The following DNAH6 variants were observed in gnomAD, a reference collection of about 807,000 sequenced individuals.
DNAH6 encodes the protein axonemal beta dynein heavy chain 6.
DNAH6 carries 340 observed loss-of-function variants against 491.4 expected under a neutral mutation model. The ratio of observed to expected loss-of-function variants is 0.69; its 90% CI spans 0.63 to 0.76. The LOEUF (loss-of-function observed/expected upper bound fraction) is 0.76. DNAH6 is among the 30% of genes least tolerant of loss of function. DNAH6 has a pLI of 0.00. For missense variants in DNAH6, 4,443 were observed against 4,972.2 expected (o/e 0.89, Z 3.20); for synonymous variants, 1,603 against 1,686.1 (o/e 0.95, Z 1.21).
chr2:84,808,567 G>C, intron 72 of DNAH6, 25 bp downstream of exon 72: 1 of 1,550,050 alleles, frequency 6.5e-7, no homozygotes, highest in South Asian at 1.2e-5. Flanking sequence ...TTTCATCATT[G>C]CTATTGAGCA....
chr2:84,718,631 A>G (rs1157050362), intron 59 of DNAH6, among the ~76,000 whole-genome samples: 1 of 152,226 alleles, frequency 6.6e-6, no homozygotes, highest in African/African-American at 2.4e-5. Flanking sequence ...ACTGGACAAG[A>G]TATAAATCGA....
At chr2:84,789,528 A>G (rs1263977885) in intron 68 of DNAH6, among the ~76,000 whole-genome samples, 1 of 152,250 alleles carries the variant, frequency 6.6e-6, no homozygotes, top group African/African-American at 2.4e-5. Flanking sequence ...AGCAATGGCT[A>G]CCAATGGATG....
chr2:84,496,316 A>G, the DNAH6 span, among the ~76,000 whole-genome samples: 2 of 152,196 alleles, frequency 1.3e-5, no homozygotes, highest in African/African-American at 4.8e-5. Context: ...TTATTTTTAA[A>G]CACACAGAAT....
chr2:84,618,021 G>A (rs990774507), intron 23 of DNAH6, among the ~76,000 whole-genome samples: 1 of 152,066 alleles, frequency 6.6e-6, no homozygotes, highest in Non-Finnish European at 1.5e-5. Flanking sequence ...ATTTTGAAAT[G>A]TGACAACTCT....
intron 72 of DNAH6, among the ~76,000 whole-genome samples, chr2:84,810,162 C>G (rs534716573): frequency 1.1e-4 from 17 of 152,218 alleles, no homozygotes; most frequent in African/African-American, 3.9e-4. Flanking sequence ...CCTCAAGGCC[C>G]CATCATCTCA....
At chr2:84,657,056 C>T (rs986141406) in intron 35 of DNAH6, among the ~76,000 whole-genome samples, 1 of 151,954 alleles carries the variant, frequency 6.6e-6, no homozygotes, top group Non-Finnish European at 1.5e-5. Context: ...TGTGTATATC[C>T]AGTTGTTCCA....
chr2:84,482,585 C>A, the DNAH6 span, among the ~76,000 whole-genome samples: 1 of 152,238 alleles, frequency 6.6e-6, no homozygotes, highest in Non-Finnish European at 1.5e-5. Context: ...AGGGATCTGT[C>A]CAGACCAACC....
intron 14 of DNAH6, among the ~76,000 whole-genome samples, 183 bp from the exon 15 acceptor site, chr2:84,583,816 A>G (rs900985730): frequency 6.6e-6 from 1 of 152,158 alleles, no homozygotes; most frequent in Admixed American, 6.5e-5. Flanking sequence ...AGCCATGTGG[A>G]ACTGTGAGTC....
chr2:84,816,896 G>T (rs1201254468), intron 76 of DNAH6, among the ~76,000 whole-genome samples: 1 of 152,124 alleles, frequency 6.6e-6, no homozygotes, highest in African/African-American at 2.4e-5. Flanking sequence ...TGGGAAAATC[G>T]CCTTGAATAC....
At chr2:84,558,003 T>A in intron 11 of DNAH6, 68 bp downstream of exon 11, 1 of 1,045,094 alleles carries the variant, frequency 9.6e-7, no homozygotes, top group Non-Finnish European at 1.3e-6. Context: ...TAATATATAT[T>A]TTTTCTTTCT....
intron 68 of DNAH6, among the ~76,000 whole-genome samples, chr2:84,793,946 T>C (rs1192402): frequency 0.23 from 34,297 of 152,014 alleles, 4,621 homozygotes; most frequent in African/African-American, 0.4. Context: ...GCTACGGTAG[T>C]CAAAACAGCA....
intron 59 of DNAH6, among the ~76,000 whole-genome samples, chr2:84,721,634 A>G (rs1698171639): frequency 6.6e-6 from 1 of 152,220 alleles, no homozygotes; most frequent in Non-Finnish European, 1.5e-5. Flanking sequence ...ATATGTTGAT[A>G]TAATATTTTG....
chr2:84,595,416 A>T (rs556496022), intron 17 of DNAH6, among the ~76,000 whole-genome samples: 5 of 152,346 alleles, frequency 3.3e-5, no homozygotes, highest in African/African-American at 1.2e-4. Context: ...ACCCTCAGAA[A>T]TAAATTACGG....
the DNAH6 span, among the ~76,000 whole-genome samples, chr2:84,478,513 T>C: frequency 6.6e-6 from 1 of 152,172 alleles, no homozygotes; most frequent in Non-Finnish European, 1.5e-5. Flanking sequence ...TCCATCTGCA[T>C]TGGACCTTAT....
chr2:84,581,650 C>T (rs1683045809), intron 14 of DNAH6, among the ~76,000 whole-genome samples: 1 of 151,922 alleles, frequency 6.6e-6, no homozygotes, highest in African/African-American at 2.4e-5. Context: ...CAGGAGGCAA[C>T]GTGACAAAAA....
At chr2:84,768,559 T>C (rs1316801469) in intron 64 of DNAH6, among the ~76,000 whole-genome samples, 1 of 152,024 alleles carries the variant, frequency 6.6e-6, no homozygotes, top group Non-Finnish European at 1.5e-5. Context: ...TTAAAAGAAA[T>C]TTATTATTAA....
intron 70 of DNAH6, among the ~76,000 whole-genome samples, chr2:84,800,327 A>T (rs1313451642): frequency 5.3e-5 from 8 of 152,230 alleles, no homozygotes. Context: ...AATCAGCACA[A>T]GAACTTCAGC....
chr2:84,647,504 T>G (rs1236802197), intron 33 of DNAH6, among the ~76,000 whole-genome samples: 1 of 152,186 alleles, frequency 6.6e-6, no homozygotes, highest in Non-Finnish European at 1.5e-5. Context: ...CTAAAGCAAC[T>G]GGTGGTTTTA....
At position 84,654,733 on chromosome 2, in the gene DNAH6, T is replaced by A. The variant is rs1015672144; in HGVS notation, c.5708T>A (p.Leu1903Gln). The A allele has an allele frequency of 2.1e-5, 32 of 1,551,096 alleles. No homozygotes were observed. Among genetic ancestry groups the A allele is most frequent in the Non-Finnish European group, 2.6e-5 (30 of 1,146,414 alleles). The change falls in exon 35 of 77, where the codon CTG becomes CAG. Residue 1903 changes from leucine to glutamine, a missense_variant. Leu to Gln is a moderately radical substitution (Grantham distance 113). Transcript: ENST00000389394. ...CGMVFVDPEE[L>Q]KWMPYVKTWM... ...ATGGTGTTTGTGGATCCTGAAGAAC[T>A]GAAATGGATGCCTTATGTTAAAACT...
Sources: allele counts gnomAD v4.1 joint callset (sites outside exome capture counted in the v4.1 genomes callset), GRCh38; gene constraint gnomAD v4.1.1; transcripts MANE v1.5; gene names NCBI Gene and HGNC (gene_info 2026-07-23, HGNC 2026-07-21).